The following DYNC2H1 variants were observed in gnomAD, a reference collection of about 807,000 sequenced individuals.
The protein encoded by DYNC2H1 is cytoplasmic dynein 2 heavy chain 1.
A neutral mutation model predicts 570.0 loss-of-function variants in DYNC2H1; 410 were observed. The observed-to-expected ratio is 0.72, with a 90% CI of 0.66 to 0.78. The LOEUF (loss-of-function observed/expected upper bound fraction) is 0.78, where lower values mean the gene tolerates loss of function less well. Among genes scored for constraint, DYNC2H1 ranks in the 30% least tolerant of loss-of-function variants. The pLI is 0.00. For missense variants in DYNC2H1, 4,865 were observed against 5,046.4 expected (o/e 0.96, Z 1.09); for synonymous variants, 1,688 against 1,677.6 (o/e 1.01, Z -0.15).
intron 75 of DYNC2H1, among the ~76,000 whole-genome samples, chr11:103,288,684 T>TAAAAAAAAAAAAAAGAAAAAAAA: frequency 3.6e-5 from 1 of 27,912 alleles, no homozygotes; most frequent in Non-Finnish European, 6.0e-5. Context: ...CCGTCTCTAC[T>TAAAAAAAAAAAAAAGAAAAAAAA]AAAAAAAAAA....
At chr11:103,444,104 T>C (rs1944353739) in intron 85 of DYNC2H1, among the ~76,000 whole-genome samples, 2 of 151,598 alleles carry the variant, frequency 1.3e-5, no homozygotes, top group African/African-American at 2.4e-5. Context: ...TAAATTTTTA[T>C]TAATATTTCT....
intron 70 of DYNC2H1, among the ~76,000 whole-genome samples, chr11:103,262,295 G>A (rs1016642486): frequency 9.2e-5 from 14 of 152,312 alleles, no homozygotes; most frequent in Admixed American, 2.6e-4. Context: ...TTATCCAGGA[G>A]AACTTGCCCA....
chr11:103,320,993 G>T (rs748467378), intron 80 of DYNC2H1, 36 bp from the exon 81 acceptor site: 2 of 1,487,492 alleles, frequency 1.3e-6, no homozygotes, highest in Admixed American at 2.0e-5. Context: ...TAATATTTTA[G>T]AAATGAAATT....
At chr11:103,137,468 A>G (rs899830176) in intron 17 of DYNC2H1, among the ~76,000 whole-genome samples, 3 of 152,110 alleles carry the variant, frequency 2.0e-5, no homozygotes, top group African/African-American at 7.2e-5. Flanking sequence ...TCCCAGCACC[A>G]TTTATTAAAT....
At chr11:103,287,355 G>A (rs1037551565) in intron 74 of DYNC2H1, among the ~76,000 whole-genome samples, 178 bp from the exon 75 acceptor site, 2 of 152,016 alleles carry the variant, frequency 1.3e-5, no homozygotes, top group African/African-American at 4.8e-5. Flanking sequence ...TAATATTTTT[G>A]ATATATACTT....
rs1399567105 is a variant in DYNC2H1, at chr11:103,174,106, G to A, written c.5610G>A (p.Lys1870=). Residue 1870 remains lysine, a synonymous_variant, in exon 36 of 89, where the codon AAG becomes AAA. Coordinates refer to ENST00000375735, the MANE Select transcript of DYNC2H1 (RefSeq NM_001377.3). ...QHYDWGLRAL[K]TVLRGSGNLL... ...ATGATTGGGGTTTGAGAGCTTTGAA[G>A]ACAGTTCTGAGAGGAAGTGGAAATC... 5 of 1,591,212 alleles carry A rather than the reference G, an allele frequency of 3.1e-6. No individual in the cohort carries two copies. The highest frequency in any genetic ancestry group is 1.3e-5 in the African/African-American group (1 of 74,550).
intron 63 of DYNC2H1, 73 bp downstream of exon 63, chr11:103,236,612 G>T (rs182749936): frequency 7.6e-6 from 6 of 792,930 alleles, no homozygotes; most frequent in Non-Finnish European, 1.2e-5. Flanking sequence ...TGTGTTCTTC[G>T]TATTCTTAGT....
Position 103,199,487 on chromosome 11 carries a change from C to A in DYNC2H1, c.8088+11C>A. 5.8e-6 allele frequency: 9 copies of A among 1,548,912 alleles called. No homozygotes were observed. Among genetic ancestry groups the A allele is most frequent in the East Asian group, 2.3e-5 (1 of 43,996 alleles). ...AATGATCTCAAACATGTGAGTTGCC[C>A]ACTCTCTTTTGCTTTATTTGGTTTT... On this transcript the variant is annotated intron_variant, in intron 49 of 88. Transcript: ENST00000375735. This position sits in a 1 kb window ranked among gnomAD's most constrained non-coding sequence, Gnocchi z 4.6.
At chr11:103,382,012 C>T (rs566353221) in intron 83 of DYNC2H1, among the ~76,000 whole-genome samples, 1 of 152,156 alleles carries the variant, frequency 6.6e-6, no homozygotes, top group East Asian at 1.9e-4. Flanking sequence ...AAAAGTATAA[C>T]ACCCAAAGAA....
At chr11:103,445,387 TTA>T (rs1033999574) in intron 85 of DYNC2H1, among the ~76,000 whole-genome samples, 3 of 152,236 alleles carry the variant, frequency 2.0e-5, no homozygotes, top group Admixed American at 6.5e-5. Flanking sequence ...GGGATTATCT[TTA>T]TATATTCTTT....
intron 83 of DYNC2H1, among the ~76,000 whole-genome samples, chr11:103,397,391 C>T (rs912822558): frequency 3.3e-5 from 5 of 151,892 alleles, no homozygotes; most frequent in Admixed American, 1.3e-4. Flanking sequence ...ACTGCATAGT[C>T]GTTGTAACAT....
chr11:103,305,562 GTAAT>G lies in DYNC2H1; in HGVS notation c.11382+860_11382+863del, dbSNP rs764072680. 7.9e-5 allele frequency among the ~76,000 whole-genome samples: 12 copies of G among 152,066 alleles called. No homozygotes were observed. The highest frequency in any genetic ancestry group is 1.5e-4 in the Non-Finnish European group (10 of 68,012). ...AAGGAGGTCCTTAACAGAGAAGTTA[GTAAT>G]TAATTAATTAATTAATTTTTTCTGG... is the stretch of plus-strand genomic sequence containing the variant. On this transcript the variant is annotated intron_variant, in intron 77 of 88. Coordinates refer to ENST00000375735, the MANE Select transcript of DYNC2H1 (RefSeq NM_001377.3). This position sits in a 1 kb window ranked among gnomAD's most constrained non-coding sequence, Gnocchi z 4.3.
chr11:103,178,033 T>C (rs1275868585), intron 38 of DYNC2H1, among the ~76,000 whole-genome samples: 1 of 152,110 alleles, frequency 6.6e-6, no homozygotes, highest in Non-Finnish European at 1.5e-5. Flanking sequence ...TAATAGAAAC[T>C]TAGAGTAAGT....
intron 63 of DYNC2H1, among the ~76,000 whole-genome samples, chr11:103,237,893 A>G (rs1211939174): frequency 6.6e-6 from 1 of 152,170 alleles, no homozygotes; most frequent in Non-Finnish European, 1.5e-5. Flanking sequence ...CATGATGGAT[A>G]TGGGAAATTG....
intron 88 of DYNC2H1, 51 bp from the exon 89 acceptor site, chr11:103,479,042 CTG>C: frequency 1.3e-6 from 2 of 1,574,952 alleles, no homozygotes; most frequent in South Asian, 1.2e-5. Context: ...ATCTAATAAT[CTG>C]TTTCCAAATA....
chr11:103,123,506 T>C lies in DYNC2H1; in HGVS notation c.1661+506T>C, dbSNP rs187768644. ...TAATGGGAATTTAAATCTGGAATTC[T>C]GGCTCTGGAGGAAAAATAGAGGAAA... On this transcript the variant is annotated intron_variant, in intron 11 of 88. Coordinates refer to ENST00000375735, the MANE Select transcript of DYNC2H1 (RefSeq NM_001377.3). Among the ~76,000 whole-genome samples the C allele has an allele frequency of 8.2e-4, 125 of 152,332 alleles. 1 individual carries two copies. Among genetic ancestry groups the C allele is most frequent in the African/African-American group, 2.6e-3 (110 of 41,576 alleles).
Position 103,231,293 on chromosome 11 carries a change from A to G in DYNC2H1, c.9387A>G (p.Lys3129=). The G allele has an allele frequency of 6.2e-7, 1 of 1,606,986 alleles. No individual in the cohort carries two copies. Residue 3129 remains lysine (K), a synonymous_variant, in exon 60 of 89, where the codon AAA becomes AAG. Transcript: ENST00000375735. The stretch of plus-strand genomic sequence containing the variant: ...AGAAAACTGAAGACAGAAAAAGGAA[A>G]CTAGAGGAGCTTCTTAATTCTGTTG... ...NLKKTEDRKR[K]LEELLNSVGQ...
At chr11:103,304,532 T>G in intron 76 of DYNC2H1, 63 bp from the exon 77 acceptor site, 3 of 1,536,472 alleles carry the variant, frequency 2.0e-6, no homozygotes, top group Non-Finnish European at 2.6e-6. Flanking sequence ...AATCTCATAC[T>G]GTTATATTAC....
At chr11:103,273,874 C>T (rs1316287324) in intron 70 of DYNC2H1, among the ~76,000 whole-genome samples, 1 of 152,100 alleles carries the variant, frequency 6.6e-6, no homozygotes, top group Non-Finnish European at 1.5e-5. Context: ...AACCAGATAA[C>T]AGGAGAAGGG....
Sources: allele counts gnomAD v4.1 joint callset (sites outside exome capture counted in the v4.1 genomes callset), GRCh38; gene constraint gnomAD v4.1.1; non-coding constraint Gnocchi (gnomAD v3.1); transcripts MANE v1.5; gene names NCBI Gene and HGNC (gene_info 2026-07-23, HGNC 2026-07-21).